ABLIM1: variants seen among roughly 807,000 people sequenced by gnomAD.
The protein encoded by ABLIM1 is actin binding LIM protein 1, also known as actin-binding LIM protein 1.
A neutral mutation model predicts 107.0 loss-of-function variants in ABLIM1; 40 were observed. The observed-to-expected ratio is 0.37, with a 90% confidence interval of 0.29 to 0.49. ABLIM1 has a LOEUF of 0.49. ABLIM1 is among the 20% of genes least tolerant of loss of function. The probability of loss-of-function intolerance (pLI) is 0.97; values close to 1 mark genes in which losing one functional copy is unlikely to be tolerated. For synonymous variants in ABLIM1, 357 were observed against 357.3 expected (o/e 1.00, Z 0.01); for missense variants, 857 against 1,008.5 (o/e 0.85, Z 2.04).
intron 1 of ABLIM1, among the ~76,000 whole-genome samples, chr10:114,709,772 C>T (rs2081507613): frequency 6.6e-6 from 1 of 152,106 alleles, no homozygotes; most frequent in Admixed American, 6.5e-5. Flanking sequence ...TAATCAGCTG[C>T]TTGTTAGTTT....
chr10:114,531,715 A>G (rs1190752215), intron 6 of ABLIM1, among the ~76,000 whole-genome samples: 5 of 152,220 alleles, frequency 3.3e-5, no homozygotes, highest in African/African-American at 1.2e-4. Flanking sequence ...ACGGGGTTTC[A>G]CCATGTTGGC....
intron 1 of ABLIM1, among the ~76,000 whole-genome samples, chr10:114,717,039 C>CTCAT (rs35290540): frequency 0.39 from 58,121 of 150,872 alleles, 12,483 homozygotes; most frequent in Non-Finnish European, 0.5. Flanking sequence ...ATCATGGTAT[C>CTCAT]TCATTCATTC....
chr10:114,487,891 A>G, intron 8 of ABLIM1, 67 bp downstream of exon 8: 2 of 1,576,842 alleles, frequency 1.3e-6, no homozygotes, highest in Non-Finnish European at 1.7e-6. Flanking sequence ...CCTAGCCCCA[A>G]GAATTAGTGA....
intron 1 of ABLIM1, among the ~76,000 whole-genome samples, chr10:114,693,446 C>T (rs2081126354): frequency 6.6e-6 from 1 of 152,144 alleles, no homozygotes; most frequent in Admixed American, 6.5e-5. Flanking sequence ...AGGCTCTGAG[C>T]AACATGCTCT....
intron 11 of ABLIM1, among the ~76,000 whole-genome samples, chr10:114,467,650 A>T (rs1467665683): frequency 1.3e-5 from 2 of 152,244 alleles, no homozygotes; most frequent in Non-Finnish European, 2.9e-5. Flanking sequence ...GCAGTCATAA[A>T]CCATGAAAAT....
In ABLIM1 at chr10:114,629,883, G is replaced by GAA. The variant is rs2078059895; in HGVS notation, c.245-27923_245-27922insTT. On this transcript the variant is annotated intron_variant, in intron 1 of 22. Coordinates refer to ENST00000533213, the MANE Select transcript of ABLIM1 (RefSeq NM_002313.7). The surrounding 1 kb of genome is among the most constrained non-coding windows in gnomAD (Gnocchi z 4.0). The stretch of plus-strand genomic sequence containing the variant: ...AAATGAAACGAAACGAAACAAACCT[G>GAA]CCTTTCTCTGTTGATGGCTGAGGTC... 6.6e-6 allele frequency among the ~76,000 whole-genome samples: 1 copy of GAA among 152,074 alleles called. No homozygotes were observed. The highest frequency in any genetic ancestry group is 2.4e-5 in the African/African-American group (1 of 41,400).
intron 4 of ABLIM1, among the ~76,000 whole-genome samples, chr10:114,556,071 T>A (rs2068690039): frequency 6.6e-6 from 1 of 151,486 alleles, no homozygotes; most frequent in Non-Finnish European, 1.5e-5. Context: ...GCTAAGGAGC[T>A]CCAAGAAAAA....
At chr10:114,760,406 A>T (rs1302982822) in intron 1 of ABLIM1, among the ~76,000 whole-genome samples, 5 of 6,784 alleles carry the variant, frequency 7.4e-4, no homozygotes, top group African/African-American at 3.1e-3. Flanking sequence ...TTTCTCCTTC[A>T]CACACACACA....
intron 12 of ABLIM1, among the ~76,000 whole-genome samples, chr10:114,453,819 T>C (rs2062312883): frequency 6.6e-6 from 1 of 152,144 alleles, no homozygotes; most frequent in Non-Finnish European, 1.5e-5. Flanking sequence ...TTGCTCATGA[T>C]TCAGGATCAG....
chr10:114,766,734 A>T (rs1343708688), intron 1 of ABLIM1, among the ~76,000 whole-genome samples: 1 of 152,220 alleles, frequency 6.6e-6, no homozygotes, highest in African/African-American at 2.4e-5. Context: ...TCCTTGTGGT[A>T]CTTAGGACAG....
chr10:114,692,069 A>G (rs1436976061), intron 1 of ABLIM1, among the ~76,000 whole-genome samples: 1 of 152,238 alleles, frequency 6.6e-6, no homozygotes, highest in Non-Finnish European at 1.5e-5. Flanking sequence ...GTCAGTGGGA[A>G]GAGAAAATAT....
At chr10:114,800,995 A>C in the ABLIM1 span, among the ~76,000 whole-genome samples, 4 of 152,216 alleles carry the variant, frequency 2.6e-5, no homozygotes, top group Non-Finnish European at 5.9e-5. Flanking sequence ...AACTACTAAT[A>C]GCCTACTGTT....
At chr10:114,457,029 G>C (rs2062957109) in intron 12 of ABLIM1, among the ~76,000 whole-genome samples, 1 of 151,792 alleles carries the variant, frequency 6.6e-6, no homozygotes. Flanking sequence ...TAAAAATCAG[G>C]TAAAGAGAGA....
chr10:114,759,051 CCAAT>C (rs1330441512), intron 1 of ABLIM1, among the ~76,000 whole-genome samples: 1 of 152,154 alleles, frequency 6.6e-6, no homozygotes, highest in Non-Finnish European at 1.5e-5. Context: ...AACATGATCG[CCAAT>C]CAATCAGCAA....
intron 12 of ABLIM1, among the ~76,000 whole-genome samples, chr10:114,464,967 A>G (rs2064833543): frequency 1.3e-5 from 2 of 152,190 alleles, no homozygotes; most frequent in Non-Finnish European, 2.9e-5. Context: ...CTCCCACTAC[A>G]CACAGGAGAC....
chr10:114,574,429 T>C lies in ABLIM1; in HGVS notation c.563+987A>G, dbSNP rs114012015. Among the ~76,000 whole-genome samples the C allele has an allele frequency of 2.3e-3, 355 of 151,820 alleles. 3 individuals are homozygous for C. Among genetic ancestry groups the C allele is most frequent in the African/African-American group, 8.4e-3 (345 of 41,148 alleles). On this transcript the variant is annotated intron_variant, in intron 3 of 22. Coordinates refer to ENST00000533213, the MANE Select transcript of ABLIM1 (RefSeq NM_002313.7). Reference sequence around the variant, plus strand: ...GTTTTCTTGTTCTCTGACTGATCATTTTATTATTTATTTTATTTTATTTTT... The same window carrying C: ...GTTTTCTTGTTCTCTGACTGATCATCTTATTATTTATTTTATTTTATTTTT...
intron 6 of ABLIM1, among the ~76,000 whole-genome samples, chr10:114,536,759 T>C (rs2066085330): frequency 6.6e-6 from 1 of 152,192 alleles, no homozygotes; most frequent in African/African-American, 2.4e-5. Flanking sequence ...ACTGACCCTG[T>C]TTCACAGGGC....
intron 8 of ABLIM1, among the ~76,000 whole-genome samples, chr10:114,477,646 C>T (rs1465888758): frequency 6.6e-6 from 1 of 152,180 alleles, no homozygotes; most frequent in Admixed American, 6.5e-5. Flanking sequence ...TCTTTAACAG[C>T]ACCTTCCAGG....
At chr10:114,754,923 A>T (rs537238577) in intron 1 of ABLIM1, among the ~76,000 whole-genome samples, 6 of 152,098 alleles carry the variant, frequency 3.9e-5, no homozygotes, top group Non-Finnish European at 8.8e-5. Context: ...TTCCTGTGGT[A>T]AAGGTGTGAC....
Sources: gnomAD v4.1 joint callset for allele counts (sites outside exome capture counted in the v4.1 genomes callset) on GRCh38, gnomAD v4.1.1 for gene constraint, Gnocchi (gnomAD v3.1) non-coding constraint, MANE v1.5 for transcripts, NCBI Gene and HGNC (gene_info 2026-07-23, HGNC 2026-07-21) for gene names.